The following MLLT3 variants were observed in gnomAD, a reference collection of about 807,000 sequenced individuals.
MLLT3 encodes the protein protein AF-9.
Under a neutral mutation model 53.2 loss-of-function variants are expected in MLLT3, and 4 were observed. The ratio of observed to expected loss-of-function variants is 0.08; its 90% confidence interval spans 0.04 to 0.17. The LOEUF (loss-of-function observed/expected upper bound fraction) is 0.17, where lower values mean the gene tolerates loss of function less well. Ranked by LOEUF, MLLT3 falls within the 10% of genes least tolerant of loss-of-function variation. The pLI is 1.00. For synonymous variants in MLLT3, 283 were observed against 230.6 expected (o/e 1.23, Z -2.06); for missense variants, 569 against 684.0 (o/e 0.83, Z 1.87).
chr9:20,394,151 T>C (rs1822260705), intron 5 of MLLT3, among the ~76,000 whole-genome samples: 3 of 152,238 alleles, frequency 2.0e-5, no homozygotes, highest in Admixed American at 1.3e-4. Context: ...GATTCTCATA[T>C]AGGCTTCTGG....
intron 2 of MLLT3, among the ~76,000 whole-genome samples, chr9:20,491,441 A>G (rs1824944693): frequency 6.6e-6 from 1 of 152,154 alleles, no homozygotes; most frequent in African/African-American, 2.4e-5. Flanking sequence ...GATAAACGCA[A>G]TAATATAGAA....
intron 2 of MLLT3, among the ~76,000 whole-genome samples, chr9:20,494,887 G>A (rs977942368): frequency 7.2e-5 from 11 of 152,134 alleles, no homozygotes; most frequent in African/African-American, 2.7e-4. Context: ...ATCTTCCCAA[G>A]GGAAAGGAGT....
chr9:20,596,632 A>C (rs952285228), intron 2 of MLLT3, among the ~76,000 whole-genome samples: 1 of 152,216 alleles, frequency 6.6e-6, no homozygotes. Flanking sequence ...TGGAGGTTGC[A>C]ATGAGCTGAG....
intron 5 of MLLT3, among the ~76,000 whole-genome samples, chr9:20,398,659 T>C (rs989789526): frequency 2.0e-5 from 3 of 152,110 alleles, no homozygotes; most frequent in Non-Finnish European, 2.9e-5. Context: ...ATAACTTTCA[T>C]GTTATCATGC....
intron 4 of MLLT3, among the ~76,000 whole-genome samples, chr9:20,447,019 A>G (rs1478058647): frequency 1.3e-5 from 2 of 152,154 alleles, no homozygotes; most frequent in African/African-American, 4.8e-5. Context: ...AATTCAAGTA[A>G]AAGGACAGCA....
At chr9:20,517,508 C>A (rs1013336128) in intron 2 of MLLT3, among the ~76,000 whole-genome samples, 53 of 150,262 alleles carry the variant, frequency 3.5e-4, no homozygotes, top group Non-Finnish European at 2.1e-4. Flanking sequence ...AGTGAAAATA[C>A]AAGGTGTGCC....
At chr9:20,400,739 A>G (rs1325438425) in intron 5 of MLLT3, among the ~76,000 whole-genome samples, 5 of 151,434 alleles carry the variant, frequency 3.3e-5, no homozygotes, top group Non-Finnish European at 7.4e-5. Flanking sequence ...TACAAAAAGA[A>G]AAAAAAAACA....
chr9:20,600,623 C>G (rs1820397649), intron 2 of MLLT3, among the ~76,000 whole-genome samples: 1 of 152,204 alleles, frequency 6.6e-6, no homozygotes, highest in South Asian at 2.1e-4. Context: ...AGATTTTAGG[C>G]TTTTGGGAGA....
chr9:20,452,907 A>C (rs1486521708), intron 3 of MLLT3, among the ~76,000 whole-genome samples: 1 of 152,222 alleles, frequency 6.6e-6, no homozygotes, highest in African/African-American at 2.4e-5. Context: ...GTTTCAATTA[A>C]GTAAGATGAA....
At chr9:20,576,198 T>A (rs1587088707) in intron 2 of MLLT3, among the ~76,000 whole-genome samples, 1 of 152,156 alleles carries the variant, frequency 6.6e-6, no homozygotes, top group South Asian at 2.1e-4. Context: ...GCATTCAGAG[T>A]TGAAGACAGT....
At chr9:20,358,620 G>T (rs954869003) in intron 8 of MLLT3, among the ~76,000 whole-genome samples, 1 of 152,184 alleles carries the variant, frequency 6.6e-6, no homozygotes, top group East Asian at 1.9e-4. Context: ...TTCAGGAAGG[G>T]CTTAAGTGAA....
intron 2 of MLLT3, among the ~76,000 whole-genome samples, chr9:20,596,408 G>T (rs993051378): frequency 2.0e-5 from 3 of 152,162 alleles, no homozygotes; most frequent in African/African-American, 7.2e-5. Context: ...AATAAGCTCT[G>T]GCCAGGCATG....
At chr9:20,615,386 A>C (rs2780846) in intron 2 of MLLT3, among the ~76,000 whole-genome samples, 32,622 of 115,680 alleles carry the variant, frequency 0.28, 4,087 homozygotes, top group African/African-American at 0.41. Context: ...AAAAAAAAAA[A>C]AAAAAAAAAA....
intron 2 of MLLT3, among the ~76,000 whole-genome samples, chr9:20,558,917 A>G (rs1819131072): frequency 6.6e-6 from 1 of 152,216 alleles, no homozygotes; most frequent in African/African-American, 2.4e-5. Context: ...AGGGGAGAGC[A>G]TCTTTCTCAT....
intron 2 of MLLT3, among the ~76,000 whole-genome samples, chr9:20,562,981 C>T (rs1045049846): frequency 2.0e-5 from 3 of 152,090 alleles, no homozygotes; most frequent in Non-Finnish European, 4.4e-5. Flanking sequence ...GAACACCTAC[C>T]GTCCCCCATT....
At chr9:20,536,051 T>A (rs1818475338) in intron 2 of MLLT3, among the ~76,000 whole-genome samples, 1 of 152,110 alleles carries the variant, frequency 6.6e-6, no homozygotes, top group African/African-American at 2.4e-5. Flanking sequence ...AAGGGGGATT[T>A]TTTTTCTTAA....
At chr9:20,442,305 G>A (rs1322527498) in intron 4 of MLLT3, among the ~76,000 whole-genome samples, 1 of 152,124 alleles carries the variant, frequency 6.6e-6, no homozygotes, top group Non-Finnish European at 1.5e-5. Flanking sequence ...CAGGAAATGT[G>A]TAGATGTCTA....
chr9:20,517,624 G>A (rs1015113510), intron 2 of MLLT3, among the ~76,000 whole-genome samples: 12 of 152,066 alleles, frequency 7.9e-5, no homozygotes, highest in South Asian at 2.1e-4. Flanking sequence ...ATCACTTAAG[G>A]TCAAGAGTTT....
chr9:20,469,712 C>T (rs1329860910), intron 2 of MLLT3, among the ~76,000 whole-genome samples: 1 of 141,218 alleles, frequency 7.1e-6, no homozygotes, highest in African/African-American at 2.6e-5. Flanking sequence ...TTCACTAATT[C>T]GGTGCAATCA....
Sources: allele counts gnomAD v4.1 joint callset (sites outside exome capture counted in the v4.1 genomes callset), GRCh38; gene constraint gnomAD v4.1.1; transcripts MANE v1.5; gene names NCBI Gene and HGNC (gene_info 2026-07-23, HGNC 2026-07-21).